IDE: variants seen among roughly 807,000 people sequenced by gnomAD.
IDE encodes insulin degrading enzyme.
A neutral mutation model predicts 133.2 loss-of-function variants in IDE; 58 were observed. The ratio of observed to expected loss-of-function variants is 0.44; its 90% confidence interval spans 0.35 to 0.54. The LOEUF is 0.54. Ranked by LOEUF, IDE falls within the 20% of genes least tolerant of loss-of-function variation. IDE has a pLI of 0.00. For synonymous variants in IDE, 396 were observed against 421.3 expected (o/e 0.94, Z 0.73); for missense variants, 981 against 1,234.0 (o/e 0.79, Z 3.07).
chr10:92,479,348 T>TA lies in IDE; in HGVS notation c.1812_1813insT (p.Asn605Ter). The stretch of plus-strand genomic sequence containing the variant: ...AGCTCTGCTGCATATGCATACTCGT[T>TA]GAGTGAGTCTTTGAGGAGCTCAAGG... On this transcript the variant is annotated frameshift_variant, in exon 15 of 25. Coordinates refer to ENST00000265986, the MANE Select transcript of IDE (RefSeq NM_004969.4). LOFTEE classifies it high-confidence loss of function. The TA allele has an allele frequency of 6.2e-7, 1 of 1,613,542 alleles. No individual in the cohort carries two copies. The highest frequency in any genetic ancestry group is 8.5e-7 in the Non-Finnish European group (1 of 1,179,452).
At chr10:92,473,223 C>T (rs1846069459) in intron 17 of IDE, among the ~76,000 whole-genome samples, 1 of 151,994 alleles carries the variant, frequency 6.6e-6, no homozygotes, top group Non-Finnish European at 1.5e-5. Flanking sequence ...AGCCACGGCA[C>T]CCGGCCCAAA....
chr10:92,503,654 G>C (rs528164772), intron 11 of IDE, among the ~76,000 whole-genome samples: 1 of 151,928 alleles, frequency 6.6e-6, no homozygotes, highest in East Asian at 1.9e-4. Flanking sequence ...TTGATAATAT[G>C]TCTGGAAAAG....
chr10:92,472,583 T>C (rs369609227), intron 17 of IDE, among the ~76,000 whole-genome samples: 1 of 151,984 alleles, frequency 6.6e-6, no homozygotes, highest in African/African-American at 2.4e-5. Context: ...ATCAAAAGCA[T>C]AGTGTTACGT....
intron 4 of IDE, among the ~76,000 whole-genome samples, chr10:92,524,319 A>ATTATTAT (rs1209737768): frequency 0.016 from 1,151 of 71,658 alleles, 273 homozygotes; most frequent in African/African-American, 0.083. Context: ...AAATATATAT[A>ATTATTAT]ATATATTATT....
intron 4 of IDE, among the ~76,000 whole-genome samples, chr10:92,520,834 T>C (rs1161722071): frequency 6.6e-6 from 1 of 152,166 alleles, no homozygotes; most frequent in Non-Finnish European, 1.5e-5. Context: ...TTTCAGTAAA[T>C]TTCTAGTTTT....
intron 12 of IDE, among the ~76,000 whole-genome samples, chr10:92,489,733 T>C (rs1847231676): frequency 6.6e-6 from 1 of 152,214 alleles, no homozygotes. Flanking sequence ...CAGAGATCTG[T>C]GAAGTACCAG....
intron 22 of IDE, among the ~76,000 whole-genome samples, chr10:92,459,978 C>T (rs895091981): frequency 4.0e-5 from 6 of 151,810 alleles, no homozygotes; most frequent in African/African-American, 1.2e-4. Context: ...TACAGGCACC[C>T]GCCACCATGC....
At position 92,522,937 on chromosome 10, in the gene IDE, G is replaced by C. The variant is rs1334179762; in HGVS notation, c.662-7895C>G. On this transcript the variant is annotated intron_variant, in intron 4 of 24. Coordinates refer to ENST00000265986, the MANE Select transcript of IDE (RefSeq NM_004969.4). ...AAAATCAAAGCTAAAATTACACTCA[G>C]TGAAATCCTGGGTTTGCCTTGCTTC... 2.0e-5 allele frequency among the ~76,000 whole-genome samples: 3 copies of C among 152,162 alleles called. No homozygotes were observed. In the East Asian group the frequency reaches 5.8e-4, roughly 29 times the overall value.
chr10:92,518,045 C>A (rs1229396709), intron 4 of IDE, among the ~76,000 whole-genome samples: 4 of 151,972 alleles, frequency 2.6e-5, no homozygotes. Flanking sequence ...CTCTTAGGTG[C>A]ATACCCATAG....
At position 92,506,607 on chromosome 10, in the gene IDE, A is replaced by G. The variant is rs181240884; in HGVS notation, c.1246-85T>C. ...TTTTTTTAAGTGTTTGGCTTGCACT[A>G]TAAGCTTTCTACTCCATATTTAACT... On this transcript the variant is annotated intron_variant, in intron 9 of 24. Coordinates refer to ENST00000265986, the MANE Select transcript of IDE (RefSeq NM_004969.4). 3.0e-4 allele frequency: 192 copies of G among 649,712 alleles called. 2 individuals are homozygous for G. Among genetic ancestry groups the G allele is most frequent in the South Asian group, 2.0e-5 (1 of 49,316 alleles). 40.2% of individuals were successfully genotyped at this position (649,712 alleles called of 1,614,324 possible).
At chr10:92,468,760 T>C (rs1418293631) in intron 19 of IDE, 119 bp downstream of exon 19, 3 of 568,464 alleles carry the variant, frequency 5.3e-6, no homozygotes, top group East Asian at 2.9e-5. Flanking sequence ...ATTCTGTAAA[T>C]AGGAGAGGTT....
rs1428633446 is a variant in IDE at position 92,508,167 on chromosome 10, C to T, written c.1099G>A (p.Ala367Thr). 2 of 1,613,906 alleles carry T rather than the reference C, an allele frequency of 1.2e-6. No individual in the cohort carries two copies. Among genetic ancestry groups the T allele is most frequent in the African/African-American group, 2.7e-5 (2 of 74,890 alleles). Residue 367 changes from alanine to threonine, a missense_variant, in exon 8 of 25, where the codon GCC (alanine) becomes ACC (threonine). Around this residue, in one of 2 missense-constraint regions of IDE, gnomAD observed 660 missense variants for 894.7 expected, o/e 0.74. Transcript: ENST00000265986. ...ATGATAAAAAACATAAAACCTCGGG[C>T]TCCTTCCTTCTGCCCACCAACAAGA... is the stretch of plus-strand genomic sequence containing the variant. ...NTLVGGQKEGARGFMFFIINV... is the reference protein window; with the variant it reads ...NTLVGGQKEGTRGFMFFIINV...
chr10:92,501,362 T>TA (rs55861862), intron 11 of IDE, among the ~76,000 whole-genome samples: 1,662 of 19,238 alleles, frequency 0.086, 464 homozygotes, highest in Non-Finnish European at 0.11. Context: ...ACTCTGTCAT[T>TA]AAAAAAAAAA....
chr10:92,474,703 T>C (rs1761375925), intron 17 of IDE, 138 bp downstream of exon 17: 1 of 720,244 alleles, frequency 1.4e-6, no homozygotes, highest in Non-Finnish European at 2.2e-6. Context: ...CCACCACTGT[T>C]TTTATAAAAC....
intron 13 of IDE, among the ~76,000 whole-genome samples, chr10:92,485,208 A>G (rs568648198): frequency 1.7e-3 from 254 of 145,242 alleles, no homozygotes; most frequent in Non-Finnish European, 1.3e-3. Flanking sequence ...GCTCACCACA[A>G]TCTCCACCTC....
rs1845648495 is a variant in IDE at position 92,465,729 on chromosome 10, C to T, written c.2435G>A (p.Cys812Tyr). 1 of 1,614,086 alleles carries T rather than the reference C, an allele frequency of 6.2e-7. No individual in the cohort carries two copies. The highest frequency in any genetic ancestry group is 8.5e-7 in the Non-Finnish European group (1 of 1,179,976). Residue 812 changes from cysteine (C) to tyrosine (Y), a missense_variant, in exon 20 of 25, where the codon TGT becomes TAT. Around this residue, in one of 2 missense-constraint regions of IDE, gnomAD observed 660 missense variants for 894.7 expected, o/e 0.74. Coordinates refer to ENST00000265986, the MANE Select transcript of IDE (RefSeq NM_004969.4). ...TSENMFLELF[C>Y]QIISEPCFNT... is the part of the protein sequence containing the mutation. Reference sequence around the variant, plus strand: ...GAAGCAAGGTTCCGAGATAATCTGACAGAAGAGCTCCAGAAACATATTCTC... The same window carrying T: ...GAAGCAAGGTTCCGAGATAATCTGATAGAAGAGCTCCAGAAACATATTCTC...
intron 12 of IDE, among the ~76,000 whole-genome samples, chr10:92,489,786 A>C (rs1177429077): frequency 6.6e-6 from 1 of 152,172 alleles, no homozygotes; most frequent in Admixed American, 6.6e-5. Flanking sequence ...TTTGTATGTC[A>C]TTACACAGGT....
intron 1 of IDE, chr10:92,558,763 T>G (rs982574106): frequency 5.9e-5 from 9 of 152,072 alleles, no homozygotes; most frequent in African/African-American, 1.9e-4. Flanking sequence ...CCCGGCTAAT[T>G]TTTGTATTAT....
At chr10:92,481,647 A>G (rs1846617800) in intron 14 of IDE, among the ~76,000 whole-genome samples, 1 of 152,236 alleles carries the variant, frequency 6.6e-6, no homozygotes, top group Non-Finnish European at 1.5e-5. Flanking sequence ...TACACATAAT[A>G]TAATCTTATT....
Sources: allele counts gnomAD v4.1 joint callset (sites outside exome capture counted in the v4.1 genomes callset), GRCh38; gene constraint gnomAD v4.1.1; regional missense constraint gnomAD v4.1.1; transcripts MANE v1.5; gene names NCBI Gene and HGNC (gene_info 2026-07-23, HGNC 2026-07-21).